CBFA2T2: variants seen among roughly 807,000 people sequenced by gnomAD.
CBFA2T2 encodes the protein protein CBFA2T2.
A neutral mutation model predicts 62.2 loss-of-function variants in CBFA2T2; 11 were observed. The observed-to-expected ratio is 0.18, with a 90% confidence interval of 0.11 to 0.29. The LOEUF (loss-of-function observed/expected upper bound fraction) is 0.29. CBFA2T2 is among the 10% of genes least tolerant of loss of function. The pLI is 1.00. For synonymous variants in CBFA2T2, 295 were observed against 287.5 expected (o/e 1.03, Z -0.27); for missense variants, 592 against 774.1 (o/e 0.76, Z 2.79).
At chr20:33,498,504 C>T (rs934629348) in intron 1 of CBFA2T2, among the ~76,000 whole-genome samples, 3 of 151,690 alleles carry the variant, frequency 2.0e-5, no homozygotes, top group Non-Finnish European at 2.9e-5. Flanking sequence ...CTGCCCACCT[C>T]GGCCTCCCAA....
intron 1 of CBFA2T2, among the ~76,000 whole-genome samples, chr20:33,589,488 G>C (rs1280674232): frequency 6.6e-6 from 1 of 152,180 alleles, no homozygotes; most frequent in African/African-American, 2.4e-5. Context: ...TAATTTCTCA[G>C]CCTGAACAGT....
chr20:33,527,322 CT>C (rs1466991870), intron 1 of CBFA2T2, among the ~76,000 whole-genome samples: 1 of 151,862 alleles, frequency 6.6e-6, no homozygotes, highest in Non-Finnish European at 1.5e-5. Flanking sequence ...CTGCCTCAGC[CT>C]CCTGAGTAGC....
intron 1 of CBFA2T2, chr20:33,562,607 G>A: frequency 1.0e-6 from 1 of 985,672 alleles, no homozygotes; most frequent in South Asian, 4.7e-5. Flanking sequence ...GAGGAGCTTT[G>A]GAATATCTAT....
At chr20:33,510,033 A>G (rs2011479808) in intron 1 of CBFA2T2, among the ~76,000 whole-genome samples, 1 of 151,248 alleles carries the variant, frequency 6.6e-6, no homozygotes, top group Non-Finnish European at 1.5e-5. Flanking sequence ...AAGTGTTCTC[A>G]TTGTTCAATT....
At chr20:33,594,604 C>T (rs1439790446) in intron 1 of CBFA2T2, among the ~76,000 whole-genome samples, 1 of 152,116 alleles carries the variant, frequency 6.6e-6, no homozygotes, top group Non-Finnish European at 1.5e-5. Context: ...AGAGACCTGG[C>T]TTTTTGAATC....
At chr20:33,493,155 A>G (rs572045007) in intron 1 of CBFA2T2, among the ~76,000 whole-genome samples, 1 of 142,050 alleles carries the variant, frequency 7.0e-6, no homozygotes, top group Non-Finnish European at 1.5e-5. Context: ...GGCTCACTGC[A>G]ACCTCCGCCT....
intron 1 of CBFA2T2, among the ~76,000 whole-genome samples, chr20:33,526,188 T>C (rs992814734): frequency 1.3e-5 from 2 of 152,218 alleles, no homozygotes; most frequent in African/African-American, 4.8e-5. Flanking sequence ...CGCCTGGCCT[T>C]ACATATATTT....
intron 1 of CBFA2T2, among the ~76,000 whole-genome samples, chr20:33,529,767 ATATATATATATATATTTC>A (rs1301735732): frequency 2.1e-5 from 3 of 139,588 alleles, no homozygotes; most frequent in South Asian, 2.2e-4. Context: ...ATATATATAT[ATATATATATATATATTTC>A]TTTTTTTTTT....
intron 1 of CBFA2T2, among the ~76,000 whole-genome samples, chr20:33,575,841 G>C (rs766936164): frequency 6.6e-6 from 1 of 151,910 alleles, no homozygotes; most frequent in South Asian, 2.1e-4. Flanking sequence ...GCAGTGGCGC[G>C]ATCTCAGCTC....
At position 33,649,919 on chromosome 20, in the gene CBFA2T2, T is replaced by C. The variant is rs184660608; in HGVS notation, c.*5273T>C. Reference sequence around the variant, plus strand: ...CATTTTACTCTGATAGGAATTTTTGTTACCTAACTCTGTGCATAACTTATT... The same window carrying C: ...CATTTTACTCTGATAGGAATTTTTGCTACCTAACTCTGTGCATAACTTATT... On this transcript the variant is annotated 3_prime_UTR_variant, in exon 11 of 11. Transcript: ENST00000342704. 6.5e-6 allele frequency: 1 copy of C among 152,812 alleles called. No homozygotes were observed. The highest frequency in any genetic ancestry group is 1.9e-4 in the East Asian group (1 of 5,188). The allele number at this position is 152,812 out of a possible 1,614,324, so 9.5% of individuals were successfully genotyped here.
At chr20:33,499,029 G>A (rs1325944200) in intron 1 of CBFA2T2, among the ~76,000 whole-genome samples, 2 of 146,928 alleles carry the variant, frequency 1.4e-5, no homozygotes. Flanking sequence ...GGGCGAAAGA[G>A]TGAAACTCCG....
chr20:33,623,167 A>T lies in CBFA2T2; in HGVS notation c.563A>T (p.Lys188Met). ...CTGCTGCACTGCGCTCGGGCGGCCA[A>T]GCAGACCCCATCCCAGTACCTGGCT... ...RELLHCARAA[K>M]QTPSQYLAQH... Residue 188 changes from lysine (K) to methionine (M), a missense_variant, in exon 5 of 11, where the codon AAG becomes ATG. Physicochemically the swap from Lys to Met is moderately conservative, Grantham distance 95 (BLOSUM62 -1). Around this residue, in one of 3 missense-constraint regions of CBFA2T2, gnomAD observed 449 missense variants for 551.2 expected, o/e 0.81. Coordinates refer to ENST00000342704, the MANE Select transcript of CBFA2T2 (RefSeq NM_001032999.3). 1 of 1,614,252 alleles carries T rather than the reference A, an allele frequency of 6.2e-7. No individual in the cohort carries two copies. Among genetic ancestry groups the T allele is most frequent in the East Asian group, 2.2e-5 (1 of 44,886 alleles).
At chr20:33,535,616 A>C (rs975824467) in intron 1 of CBFA2T2, among the ~76,000 whole-genome samples, 158 of 113,246 alleles carry the variant, frequency 1.4e-3, no homozygotes, top group East Asian at 2.4e-3. Context: ...TTATTTTTTT[A>C]TTTTTTCTTT....
intron 2 of CBFA2T2, among the ~76,000 whole-genome samples, chr20:33,610,867 C>T (rs1171690354): frequency 6.6e-6 from 1 of 152,176 alleles, no homozygotes; most frequent in East Asian, 1.9e-4. Context: ...GATTTCCCTT[C>T]TTATTGCTCT....
chr20:33,552,021 ATTG>A (rs1470910508), intron 1 of CBFA2T2, among the ~76,000 whole-genome samples: 3 of 150,826 alleles, frequency 2.0e-5, no homozygotes, highest in African/African-American at 7.3e-5. Flanking sequence ...AAACATCAGA[ATTG>A]TTGTTCAGTT....
intron 1 of CBFA2T2, among the ~76,000 whole-genome samples, chr20:33,504,083 C>T (rs1186718534): frequency 6.6e-6 from 1 of 151,948 alleles, no homozygotes; most frequent in Admixed American, 6.6e-5. Flanking sequence ...TTGCTTGTTT[C>T]TCTACTTTTT....
chr20:33,636,358 A>G (rs2016631593), intron 8 of CBFA2T2, among the ~76,000 whole-genome samples: 2 of 152,142 alleles, frequency 1.3e-5, no homozygotes, highest in Admixed American at 6.5e-5. Flanking sequence ...AGGGGAAAAA[A>G]TTAGGACATA....
Position 33,646,775 on chromosome 20 carries a change from C to G in CBFA2T2, c.*2129C>G, listed in dbSNP as rs1180326925. 6.6e-6 allele frequency: 1 copy of G among 151,086 alleles called. No individual in the cohort carries two copies. Among genetic ancestry groups the G allele is most frequent in the Non-Finnish European group, 1.5e-5 (1 of 67,880 alleles). 9.4% of individuals were successfully genotyped at this position (151,086 alleles called of 1,614,324 possible). A position where few individuals can be genotyped will look rare whatever the true frequency, so the allele number is the denominator to read the frequency against. On this transcript the variant is annotated 3_prime_UTR_variant, in exon 11 of 11. Coordinates refer to ENST00000342704, the MANE Select transcript of CBFA2T2 (RefSeq NM_001032999.3). The stretch of plus-strand genomic sequence containing the variant: ...ACTCAGGAGGCTGAGGCAAGAGAAT[C>G]TCTTGAACCTGTGAGCCAGAGGTTG...
intron 1 of CBFA2T2, among the ~76,000 whole-genome samples, chr20:33,588,400 T>C (rs984529111): frequency 5.9e-5 from 9 of 151,288 alleles, no homozygotes; most frequent in African/African-American, 2.2e-4. Flanking sequence ...AAATGAATAA[T>C]GAACAAATAT....
Sources: allele counts gnomAD v4.1 joint callset (sites outside exome capture counted in the v4.1 genomes callset), GRCh38; gene constraint gnomAD v4.1.1; regional missense constraint gnomAD v4.1.1; transcripts MANE v1.5; gene names NCBI Gene and HGNC (gene_info 2026-07-23, HGNC 2026-07-21).